EYA1: variants seen among roughly 807,000 people sequenced by gnomAD.
EYA1 encodes protein phosphatase EYA1.
In EYA1, 16 loss-of-function variants were observed where a neutral mutation model predicts 82.0. The observed-to-expected ratio is 0.20, with a 90% confidence interval of 0.13 to 0.30. The LOEUF (loss-of-function observed/expected upper bound fraction) is 0.30. Ranked by LOEUF, EYA1 falls within the 10% of genes least tolerant of loss-of-function variation. The pLI is 1.00. For synonymous variants in EYA1, 261 were observed against 264.4 expected, an observed-to-expected ratio of 0.99 and a Z score of 0.12; for missense variants, 633 against 730.7, an observed-to-expected ratio of 0.87 and a Z score of 1.54.
chr8:71,356,278 C>G (rs907452296), intron 2 of EYA1, among the ~76,000 whole-genome samples, 184 bp downstream of exon 2: 4 of 152,120 alleles, frequency 2.6e-5, no homozygotes, highest in Admixed American at 6.5e-5. Flanking sequence ...ATTTTCAAAC[C>G]GAGGCTCCTA....
intron 2 of EYA1, among the ~76,000 whole-genome samples, chr8:71,399,278 GA>G (rs1427173293): frequency 1.3e-5 from 2 of 151,430 alleles, no homozygotes; most frequent in Non-Finnish European, 3.0e-5. Flanking sequence ...TCCATGGGCT[GA>G]ACCCACTGTC....
chr8:71,399,811 A>G (rs878910870), intron 2 of EYA1, among the ~76,000 whole-genome samples: 2 of 152,190 alleles, frequency 1.3e-5, no homozygotes, highest in Non-Finnish European at 2.9e-5. Context: ...TAAAATTCAT[A>G]TGGAGCCACA....
At chr8:71,513,685 A>G (rs753413674) in intron 2 of EYA1, among the ~76,000 whole-genome samples, 1 of 152,088 alleles carries the variant, frequency 6.6e-6, no homozygotes, top group Non-Finnish European at 1.5e-5. Context: ...GTGCTATCAA[A>G]TAGTAGATCT....
At chr8:71,437,855 G>A (rs1806122921) in intron 2 of EYA1, among the ~76,000 whole-genome samples, 1 of 151,950 alleles carries the variant, frequency 6.6e-6, no homozygotes, top group South Asian at 2.1e-4. Flanking sequence ...GAGACAAGCA[G>A]TTGGAAAAAC....
chr8:71,361,372 G>A, intron 1 of EYA1, among the ~76,000 whole-genome samples: 1 of 152,254 alleles, frequency 6.6e-6, no homozygotes, highest in Non-Finnish European at 1.5e-5. Context: ...TTTATCTAGA[G>A]CATAACAAAA....
At chr8:71,223,406 C>A (rs1347798744) in intron 12 of EYA1, among the ~76,000 whole-genome samples, 2 of 152,206 alleles carry the variant, frequency 1.3e-5, no homozygotes, top group African/African-American at 4.8e-5. Flanking sequence ...TTATATGACA[C>A]CACCTGTGCT....
At chr8:71,206,761 A>AT (rs1168936723) in intron 17 of EYA1, among the ~76,000 whole-genome samples, 4 of 151,700 alleles carry the variant, frequency 2.6e-5, no homozygotes, top group Admixed American at 6.6e-5. Flanking sequence ...AATTGGTAGC[A>AT]TTTTTTTTCT....
chr8:71,291,967 T>C (rs910881069), intron 9 of EYA1, among the ~76,000 whole-genome samples: 1 of 152,138 alleles, frequency 6.6e-6, no homozygotes, highest in Non-Finnish European at 1.5e-5. Flanking sequence ...AAAAATATGT[T>C]GTCAGGCCAA....
intron 2 of EYA1, among the ~76,000 whole-genome samples, chr8:71,373,700 A>ATC (rs1828209327): frequency 6.6e-6 from 1 of 152,134 alleles, no homozygotes; most frequent in Admixed American, 6.5e-5. Flanking sequence ...GAGAAAGAAA[A>ATC]TCAAAGTTGG....
chr8:71,389,068 C>G (rs1157051145), intron 2 of EYA1, among the ~76,000 whole-genome samples: 3 of 151,528 alleles, frequency 2.0e-5, no homozygotes, highest in Non-Finnish European at 4.4e-5. Flanking sequence ...GCAACAACAA[C>G]AGAAAGAGAG....
intron 2 of EYA1, among the ~76,000 whole-genome samples, chr8:71,514,894 T>A (rs1812853573): frequency 6.6e-6 from 1 of 152,130 alleles, no homozygotes; most frequent in African/African-American, 2.4e-5. Context: ...AGTTTTATTT[T>A]CAATGTACAA....
At chr8:71,372,086 G>T (rs1229410983) in intron 2 of EYA1, among the ~76,000 whole-genome samples, 1 of 151,958 alleles carries the variant, frequency 6.6e-6, no homozygotes, top group Non-Finnish European at 1.5e-5. Flanking sequence ...TGAGTTTTCG[G>T]ATTGAAAGAG....
At chr8:71,254,367 G>T (rs1352263730) in intron 11 of EYA1, among the ~76,000 whole-genome samples, 3 of 151,910 alleles carry the variant, frequency 2.0e-5, no homozygotes, top group Non-Finnish European at 4.4e-5. Flanking sequence ...ATACAATAGG[G>T]TTGCTGTCAA....
intron 3 of EYA1, among the ~76,000 whole-genome samples, chr8:71,341,818 TA>T (rs1165347683): frequency 6.6e-6 from 1 of 152,204 alleles, no homozygotes; most frequent in Non-Finnish European, 1.5e-5. Context: ...ACATCCAGAC[TA>T]AACTTGAATT....
intron 2 of EYA1, among the ~76,000 whole-genome samples, chr8:71,502,827 T>C (rs1811911673): frequency 6.6e-6 from 1 of 152,184 alleles, no homozygotes; most frequent in Non-Finnish European, 1.5e-5. Context: ...TGTAAAACCA[T>C]CTGGTTAAAT....
At chr8:71,220,541 G>A (rs193285181) in intron 12 of EYA1, among the ~76,000 whole-genome samples, 33 of 152,332 alleles carry the variant, frequency 2.2e-4, no homozygotes, top group Admixed American at 4.6e-4. Flanking sequence ...GGTCATTCAT[G>A]TACGTGTCAA....
At chr8:71,408,309 A>C (rs1830390021) in intron 2 of EYA1, among the ~76,000 whole-genome samples, 1 of 152,070 alleles carries the variant, frequency 6.6e-6, no homozygotes, top group Non-Finnish European at 1.5e-5. Flanking sequence ...AAGAAACTGC[A>C]TCAACTAACG....
chr8:71,509,497 A>G (rs1342919660), intron 2 of EYA1, among the ~76,000 whole-genome samples: 1 of 152,210 alleles, frequency 6.6e-6, no homozygotes, highest in African/African-American at 2.4e-5. Flanking sequence ...TCCCTAAAAT[A>G]TATTAATTAC....
chr8:71,321,227 C>T (rs1822500348), intron 6 of EYA1, among the ~76,000 whole-genome samples: 2 of 152,178 alleles, frequency 1.3e-5, no homozygotes, highest in South Asian at 4.1e-4. Flanking sequence ...CTTCAAAGTA[C>T]ACTCCAGGCA....
Sources: gnomAD v4.1 joint callset for allele counts (sites outside exome capture counted in the v4.1 genomes callset) on GRCh38, gnomAD v4.1.1 for gene constraint, MANE v1.5 for transcripts, NCBI Gene and HGNC (gene_info 2026-07-23, HGNC 2026-07-21) for gene names.